Variants in GRM8 observed in about 807,000 individuals in gnomAD.
The protein encoded by GRM8 is metabotropic glutamate receptor 8.
In GRM8, 47 loss-of-function variants were observed where a neutral mutation model predicts 87.2. That is an observed-to-expected ratio of 0.54 (90% CI 0.43 to 0.69). GRM8 has a LOEUF of 0.69. Ranked by LOEUF, GRM8 falls within the 30% of genes least tolerant of loss-of-function variation. GRM8 has a pLI of 0.00. For synonymous variants in GRM8, 396 were observed against 404.5 expected (o/e 0.98, Z 0.25); for missense variants, 1,019 against 1,139.2 (o/e 0.89, Z 1.52).
intron 8 of GRM8, among the ~76,000 whole-genome samples, chr7:126,535,009 A>G (rs1815462980): frequency 6.6e-6 from 1 of 152,172 alleles, no homozygotes; most frequent in African/African-American, 2.4e-5. Flanking sequence ...GTACTGGGAT[A>G]TGGAAATAGA....
intron 6 of GRM8, among the ~76,000 whole-genome samples, chr7:126,810,849 G>A (rs896694713): frequency 6.6e-6 from 1 of 152,100 alleles, no homozygotes; most frequent in African/African-American, 2.4e-5. Context: ...TATCAAACAG[G>A]ATATGTTATC....
intron 2 of GRM8, among the ~76,000 whole-genome samples, chr7:127,169,318 C>G (rs952710226): frequency 6.6e-6 from 1 of 152,180 alleles, no homozygotes; most frequent in African/African-American, 2.4e-5. Context: ...CCAACACATT[C>G]CCTTAAGCCA....
chr7:126,625,595 A>G (rs774883895), intron 7 of GRM8, among the ~76,000 whole-genome samples: 3 of 152,210 alleles, frequency 2.0e-5, no homozygotes, highest in Non-Finnish European at 4.4e-5. Context: ...GCAAAGTGTC[A>G]TTGTCATTAA....
intron 3 of GRM8, among the ~76,000 whole-genome samples, chr7:127,101,616 A>G (rs920028740): frequency 2.0e-5 from 3 of 152,154 alleles, no homozygotes; most frequent in Non-Finnish European, 4.4e-5. Context: ...GTAAGCCTCA[A>G]AAGGCCTCCC....
At chr7:126,539,965 A>G (rs1816345582) in intron 8 of GRM8, among the ~76,000 whole-genome samples, 1 of 152,128 alleles carries the variant, frequency 6.6e-6, no homozygotes, top group Non-Finnish European at 1.5e-5. Context: ...ATCTATGTTA[A>G]ATAATTGTGT....
chr7:126,469,649 A>G (rs1327620478), intron 9 of GRM8, among the ~76,000 whole-genome samples: 1 of 152,126 alleles, frequency 6.6e-6, no homozygotes, highest in Non-Finnish European at 1.5e-5. Context: ...CTGCCATGTG[A>G]AGAAGGATGT....
intron 7 of GRM8, among the ~76,000 whole-genome samples, chr7:126,712,099 A>C (rs139791697): frequency 9.1e-4 from 139 of 152,340 alleles, no homozygotes; most frequent in African/African-American, 3.2e-3. Flanking sequence ...CTCAGCTTTC[A>C]ACATGGCTTC....
intron 9 of GRM8, among the ~76,000 whole-genome samples, chr7:126,485,321 T>C (rs1293869951): frequency 7.0e-6 from 1 of 143,254 alleles, no homozygotes; most frequent in African/African-American, 2.6e-5. Flanking sequence ...ATCAAGGTCT[T>C]AATAGACAAA....
chr7:126,766,684 A>G (rs1818236740), intron 7 of GRM8, among the ~76,000 whole-genome samples: 1 of 152,142 alleles, frequency 6.6e-6, no homozygotes, highest in South Asian at 2.1e-4. Flanking sequence ...TATAGTAAGC[A>G]GCTCTGGTTC....
At chr7:126,794,617 TTA>T (rs2151686191) in intron 6 of GRM8, among the ~76,000 whole-genome samples, 1 of 152,298 alleles carries the variant, frequency 6.6e-6, no homozygotes, top group South Asian at 2.1e-4. Context: ...TGGTATTTTA[TTA>T]TTCTGAGTTT....
At chr7:126,908,355 T>A (rs1802926825) in intron 3 of GRM8, among the ~76,000 whole-genome samples, 1 of 152,228 alleles carries the variant, frequency 6.6e-6, no homozygotes, top group South Asian at 2.1e-4. Flanking sequence ...AGACTATGTA[T>A]AATTTATTTA....
chr7:127,181,817 ATC>A (rs1387470692), intron 2 of GRM8, among the ~76,000 whole-genome samples: 2 of 152,132 alleles, frequency 1.3e-5, no homozygotes, highest in Non-Finnish European at 1.5e-5. Flanking sequence ...CTGGATCCTC[ATC>A]TCTCACGTTA....
chr7:126,883,844 G>A (rs896006706), intron 6 of GRM8, among the ~76,000 whole-genome samples: 6 of 152,100 alleles, frequency 3.9e-5, no homozygotes, highest in Non-Finnish European at 7.4e-5. Flanking sequence ...TTTAGAGATG[G>A]ATGATACACA....
chr7:126,818,831 T>C (rs192698649), intron 6 of GRM8, among the ~76,000 whole-genome samples: 1 of 152,314 alleles, frequency 6.6e-6, no homozygotes, highest in East Asian at 1.9e-4. Context: ...CATTGCCTAA[T>C]ACTCAGCTGT....
intron 7 of GRM8, among the ~76,000 whole-genome samples, chr7:126,715,451 T>C (rs1811622551): frequency 6.6e-6 from 1 of 152,230 alleles, no homozygotes; most frequent in Non-Finnish European, 1.5e-5. Context: ...TGAAAGTGTG[T>C]AAGTTTTGAT....
At chr7:126,470,675 A>G (rs1293992146) in intron 9 of GRM8, among the ~76,000 whole-genome samples, 3 of 152,098 alleles carry the variant, frequency 2.0e-5, no homozygotes, top group East Asian at 1.9e-4. Flanking sequence ...CTTTATAGCA[A>G]CATGATTTAT....
chr7:126,810,032 A>G (rs1438390831), intron 6 of GRM8, among the ~76,000 whole-genome samples: 1 of 152,206 alleles, frequency 6.6e-6, no homozygotes, highest in African/African-American at 2.4e-5. Context: ...ATGTCAAAAT[A>G]GAGTCAATTA....
chr7:126,702,381 A>G (rs1810036430), intron 7 of GRM8, among the ~76,000 whole-genome samples: 1 of 152,224 alleles, frequency 6.6e-6, no homozygotes, highest in South Asian at 2.1e-4. Context: ...CAGAAACTGG[A>G]AAGCTAAAAG....
intron 3 of GRM8, among the ~76,000 whole-genome samples, chr7:127,006,470 G>A (rs17869415): frequency 0.031 from 4,680 of 151,950 alleles, 153 homozygotes; most frequent in East Asian, 0.12. Flanking sequence ...TACTCTACCC[G>A]CTTTTTCTTT....
Sources: allele counts gnomAD v4.1 joint callset (sites outside exome capture counted in the v4.1 genomes callset), GRCh38; gene constraint gnomAD v4.1.1; transcripts MANE v1.5; gene names NCBI Gene and HGNC (gene_info 2026-07-23, HGNC 2026-07-21).